Variants in HUNK observed in about 807,000 individuals in gnomAD.
The protein encoded by HUNK is hormonally up-regulated neu tumor-associated kinase.
HUNK carries 21 observed loss-of-function variants against 61.0 expected under a neutral mutation model. That is an observed-to-expected ratio of 0.34 (90% confidence interval 0.24 to 0.50). HUNK has a LOEUF of 0.50. Among genes scored for constraint, HUNK ranks in the 20% least tolerant of loss-of-function variants. HUNK has a pLI of 0.98. For synonymous variants in HUNK, 371 were observed against 386.1 expected (o/e 0.96, Z 0.46); for missense variants, 772 against 945.7 (o/e 0.82, Z 2.41).
intron 7 of HUNK, among the ~76,000 whole-genome samples, chr21:31,982,902 C>T (rs1348404870): frequency 6.6e-6 from 1 of 152,196 alleles, no homozygotes; most frequent in Non-Finnish European, 1.5e-5. Context: ...CTCCCGGATT[C>T]AAGTGATTCT....
Position 31,940,227 on chromosome 21 carries a change from C to CTTTT in HUNK, c.610+18_610+21dup. The CTTTT allele has an allele frequency of 7.7e-7, 1 of 1,300,204 alleles. No homozygotes were observed. Among genetic ancestry groups the CTTTT allele is most frequent in the Admixed American group, 2.3e-5 (1 of 42,884 alleles). The allele number at this position is 1,300,204 out of a possible 1,614,324, so 80.5% of individuals were successfully genotyped here. On this transcript the variant is annotated splice_region_variant and intron_variant, in intron 3 of 10. Coordinates refer to ENST00000270112, the MANE Select transcript of HUNK (RefSeq NM_014586.2). ...AATAATATCAAGCTGATTGGTATGA[C>CTTTT]TTTTTTTTTTTTTTAAGCAAAAGTA...
intron 7 of HUNK, 73 bp downstream of exon 7, chr21:31,974,790 C>T: frequency 2.2e-6 from 3 of 1,363,136 alleles, no homozygotes; most frequent in Non-Finnish European, 3.0e-6. Flanking sequence ...AAGTGCTTCT[C>T]AGTTGCTGAC....
intron 1 of HUNK, among the ~76,000 whole-genome samples, chr21:31,922,930 C>G (rs1262938767): frequency 2.0e-5 from 3 of 152,184 alleles, no homozygotes; most frequent in African/African-American, 7.2e-5. Flanking sequence ...TCATCCTGCA[C>G]CCGGAGGCTC....
At chr21:31,976,821 A>AGT (rs1048092340) in intron 7 of HUNK, among the ~76,000 whole-genome samples, 8 of 149,624 alleles carry the variant, frequency 5.3e-5, no homozygotes, top group African/African-American at 2.0e-4. Flanking sequence ...CCCAGGCTAG[A>AGT]GTGCAGTGGC....
intron 7 of HUNK, among the ~76,000 whole-genome samples, chr21:31,976,049 T>G (rs890733370): frequency 6.6e-6 from 1 of 152,198 alleles, no homozygotes; most frequent in Non-Finnish European, 1.5e-5. Flanking sequence ...TTGTTTTTGT[T>G]TTTGTTTTTT....
At chr21:31,895,716 A>G (rs538288350) in intron 1 of HUNK, among the ~76,000 whole-genome samples, 2 of 152,272 alleles carry the variant, frequency 1.3e-5, no homozygotes, top group Non-Finnish European at 2.9e-5. Context: ...TCTGCATCTG[A>G]AAGGGCCAGT....
chr21:31,959,153 C>T (rs1273689885), intron 5 of HUNK, among the ~76,000 whole-genome samples, 183 bp downstream of exon 5: 2 of 152,170 alleles, frequency 1.3e-5, no homozygotes, highest in African/African-American at 4.8e-5. Flanking sequence ...TCAATGGCCA[C>T]TCATGCCTTT....
rs140142811 is a variant in HUNK at position 31,998,740 on chromosome 21, C to T, written c.1701C>T (p.Arg567=). The T allele has an allele frequency of 9.3e-5, 150 of 1,614,008 alleles. No homozygotes were observed. The highest frequency in any genetic ancestry group is 2.7e-4 in the Admixed American group (16 of 60,004). Residue 567 remains arginine (R), a synonymous_variant, in exon 11 of 11, where the codon CGC becomes CGT. Transcript: ENST00000270112. ...TGCGCTCCTTCGAGTCTGTGGATCG[C>T]GACGACCACGTAGAAGTGCTGTCTC... ...DMVRSFESVD[R]DDHVEVLSPS... is the part of the protein sequence containing the mutation.
rs538698470 is a variant in HUNK, at chr21:31,979,661, A to G, written c.1174-3865A>G. Among the ~76,000 whole-genome samples the G allele has an allele frequency of 4.7e-5, 7 of 149,444 alleles. No homozygotes were observed. The East Asian group carries it at 6.1e-4, about 13-fold the overall frequency. ...CTCCCAAGTAGCTGGGACTACAGGC[A>G]CCTGCCACCTCACCTGGCTAATTTT... On this transcript the variant is annotated intron_variant, in intron 7 of 10. Coordinates refer to ENST00000270112, the MANE Select transcript of HUNK (RefSeq NM_014586.2).
At chr21:31,965,289 G>A (rs1335644644) in intron 5 of HUNK, among the ~76,000 whole-genome samples, 2 of 151,076 alleles carry the variant, frequency 1.3e-5, no homozygotes, top group East Asian at 2.0e-4. Context: ...AGACACTGGG[G>A]CCCACTTGAG....
intron 4 of HUNK, among the ~76,000 whole-genome samples, chr21:31,953,999 C>T (rs2052870669): frequency 6.6e-6 from 1 of 152,172 alleles, no homozygotes; most frequent in South Asian, 2.1e-4. Flanking sequence ...GAGGCAAAGA[C>T]CAGTGTAATA....
At chr21:31,959,736 A>C (rs997698157) in intron 5 of HUNK, among the ~76,000 whole-genome samples, 2 of 152,374 alleles carry the variant, frequency 1.3e-5, no homozygotes, top group South Asian at 4.1e-4. Flanking sequence ...ACTGCAACTT[A>C]TGATACTTAG....
intron 8 of HUNK, among the ~76,000 whole-genome samples, chr21:31,984,045 G>A (rs1312585558): frequency 1.3e-5 from 2 of 152,156 alleles, no homozygotes; most frequent in Non-Finnish European, 2.9e-5. Context: ...TCTCATAGAA[G>A]TACAGAGTAA....
chr21:31,893,610 C>T (rs2052405984), intron 1 of HUNK, among the ~76,000 whole-genome samples: 1 of 152,090 alleles, frequency 6.6e-6, no homozygotes, highest in Non-Finnish European at 1.5e-5. Context: ...TCCTTACTGG[C>T]CTCACCTCCT....
chr21:32,003,932 A>G lies in HUNK; in HGVS notation c.*4748A>G, dbSNP rs2090235874. On this transcript the variant is annotated 3_prime_UTR_variant, in exon 11 of 11. Transcript: ENST00000270112. ...CAATAATGAGGCATTTGGGGCAACC[A>G]ATTTTGGAAGGATAGAATAGCTTTA... The G allele has an allele frequency of 6.6e-6, 1 of 152,168 alleles. No individual in the cohort carries two copies. Among genetic ancestry groups the G allele is most frequent in the African/African-American group, 2.4e-5 (1 of 41,438 alleles). 9.4% of individuals were successfully genotyped at this position (152,168 alleles called of 1,614,324 possible).
chr21:31,999,476 G>T lies in HUNK; in HGVS notation c.*292G>T. ...ACTTCCCACTTCCCCCAGGCTTGGG[G>T]GGAAAACAGGGCATGAGCCTTCTGG... On this transcript the variant is annotated 3_prime_UTR_variant, in exon 11 of 11. Coordinates refer to ENST00000270112, the MANE Select transcript of HUNK (RefSeq NM_014586.2). 2.6e-6 allele frequency: 1 copy of T among 381,884 alleles called. No homozygotes were observed. Among genetic ancestry groups the T allele is most frequent in the African/African-American group, 2.0e-5 (1 of 49,606 alleles). 23.7% of individuals were successfully genotyped at this position (381,884 alleles called of 1,614,324 possible). A position where few individuals can be genotyped will look rare whatever the true frequency, so the allele number is the denominator to read the frequency against.
chr21:31,978,603 A>T (rs906862234), intron 7 of HUNK, among the ~76,000 whole-genome samples: 2 of 152,106 alleles, frequency 1.3e-5, no homozygotes, highest in African/African-American at 4.8e-5. Context: ...TGCCTGGCTT[A>T]TTTCACTTAG....
At chr21:31,897,463 A>G (rs2052432898) in intron 1 of HUNK, among the ~76,000 whole-genome samples, 1 of 152,124 alleles carries the variant, frequency 6.6e-6, no homozygotes, top group Non-Finnish European at 1.5e-5. Flanking sequence ...CTGTCTTCAC[A>G]TCATCTTCCC....
At chr21:31,947,408 C>T (rs1284119010) in intron 4 of HUNK, among the ~76,000 whole-genome samples, 2 of 152,268 alleles carry the variant, frequency 1.3e-5, no homozygotes, top group African/African-American at 4.8e-5. Context: ...ATTCTCAAGC[C>T]AATGGCGTCA....
Sources: gnomAD v4.1 joint callset for allele counts (sites outside exome capture counted in the v4.1 genomes callset) on GRCh38, gnomAD v4.1.1 for gene constraint, MANE v1.5 for transcripts, NCBI Gene and HGNC (gene_info 2026-07-23, HGNC 2026-07-21) for gene names.